LHFPL6: variants seen among roughly 807,000 people sequenced by gnomAD.
LHFPL6 encodes the protein LHFPL tetraspan subfamily member 6 protein.
LHFPL6 carries 9 observed loss-of-function variants against 20.6 expected under a neutral mutation model. The ratio of observed to expected loss-of-function variants is 0.44; its 90% CI spans 0.26 to 0.76. The LOEUF (loss-of-function observed/expected upper bound fraction) is 0.76, where lower values mean the gene tolerates loss of function less well. LHFPL6 is among the 30% of genes least tolerant of loss of function. The pLI, the probability that LHFPL6 is intolerant of heterozygous loss-of-function variation, is 0.20. For synonymous variants in LHFPL6, 105 were observed against 98.7 expected, an observed-to-expected ratio of 1.06 and a Z score of -0.38; for missense variants, 218 against 253.5, an observed-to-expected ratio of 0.86 and a Z score of 0.95.
At chr13:39,387,572 G>T (rs201632047) in intron 2 of LHFPL6, among the ~76,000 whole-genome samples, 3 of 102,360 alleles carry the variant, frequency 2.9e-5, no homozygotes, top group South Asian at 3.3e-4. Context: ...AAAAAAAAAA[G>T]AATATATCAT....
At chr13:39,487,662 T>C (rs932375135) in intron 2 of LHFPL6, among the ~76,000 whole-genome samples, 1 of 152,372 alleles carries the variant, frequency 6.6e-6, no homozygotes, top group African/African-American at 2.4e-5. Context: ...CTTTGCACGA[T>C]ACAGTGCATT....
intron 2 of LHFPL6, among the ~76,000 whole-genome samples, chr13:39,485,314 T>A (rs1174474498): frequency 6.6e-6 from 1 of 152,184 alleles, no homozygotes; most frequent in Non-Finnish European, 1.5e-5. Flanking sequence ...AACTTCTACT[T>A]GTATCTCAGA....
At chr13:39,370,883 T>C (rs540963244) in intron 3 of LHFPL6, among the ~76,000 whole-genome samples, 1 of 152,182 alleles carries the variant, frequency 6.6e-6, no homozygotes, top group Non-Finnish European at 1.5e-5. Flanking sequence ...AAAATTTTTT[T>C]AAAAAATTAT....
At chr13:39,459,213 TGTGTGTGTGTGTGTG>T (rs1872637974) in intron 2 of LHFPL6, among the ~76,000 whole-genome samples, 1 of 150,082 alleles carries the variant, frequency 6.7e-6, no homozygotes, top group Non-Finnish European at 1.5e-5. Context: ...TGTGTGTGTG[TGTGTGTGTGTGTGTG>T]TGTGTGTGTG....
chr13:39,523,830 G>T (rs905792450), intron 2 of LHFPL6, among the ~76,000 whole-genome samples: 9 of 152,098 alleles, frequency 5.9e-5, no homozygotes, highest in Non-Finnish European at 8.8e-5. Flanking sequence ...GCTGGTATTA[G>T]AATAAATAAG....
intron 2 of LHFPL6, among the ~76,000 whole-genome samples, chr13:39,462,504 T>C (rs762379728): frequency 2.3e-4 from 35 of 152,214 alleles, no homozygotes; most frequent in Non-Finnish European, 4.1e-4. Context: ...CTTCTACAAA[T>C]ATGTCCAAAC....
chr13:39,473,402 G>T (rs1873000160), intron 2 of LHFPL6, among the ~76,000 whole-genome samples: 2 of 151,042 alleles, frequency 1.3e-5, no homozygotes, highest in Non-Finnish European at 2.9e-5. Flanking sequence ...GCCATGCTGA[G>T]ATATATTTTA....
At chr13:39,414,757 A>G (rs1243150176) in intron 2 of LHFPL6, among the ~76,000 whole-genome samples, 3 of 152,156 alleles carry the variant, frequency 2.0e-5, no homozygotes, top group African/African-American at 7.2e-5. Context: ...TCTCTGCCCA[A>G]CCACCTAAAT....
chr13:39,421,441 C>A (rs1871482338), intron 2 of LHFPL6, among the ~76,000 whole-genome samples: 1 of 152,066 alleles, frequency 6.6e-6, no homozygotes. Context: ...ACTGATCCTG[C>A]ATATTGAAAT....
intron 2 of LHFPL6, among the ~76,000 whole-genome samples, chr13:39,482,047 T>A (rs1868545309): frequency 6.6e-6 from 1 of 152,226 alleles, no homozygotes; most frequent in South Asian, 2.1e-4. Flanking sequence ...CAACTGGCTA[T>A]ATGAATCTGA....
intron 2 of LHFPL6, among the ~76,000 whole-genome samples, chr13:39,411,095 G>A (rs1871232844): frequency 6.6e-6 from 1 of 152,122 alleles, no homozygotes; most frequent in South Asian, 2.1e-4. Flanking sequence ...TGTCTGCACG[G>A]GTAGTATGAT....
chr13:39,441,915 C>T (rs956671650), intron 2 of LHFPL6, among the ~76,000 whole-genome samples: 12 of 150,592 alleles, frequency 8.0e-5, no homozygotes, highest in Non-Finnish European at 1.3e-4. Flanking sequence ...TTGCAACCTC[C>T]GCCTCCCAGG....
chr13:39,458,522 C>G (rs902210342), intron 2 of LHFPL6, among the ~76,000 whole-genome samples: 12 of 152,004 alleles, frequency 7.9e-5, no homozygotes, highest in African/African-American at 2.9e-4. Context: ...CATGGCAAAA[C>G]TCCTTCTCTA....
At chr13:39,357,293 C>T (rs1869751179) in intron 3 of LHFPL6, among the ~76,000 whole-genome samples, 1 of 152,064 alleles carries the variant, frequency 6.6e-6, no homozygotes, top group Non-Finnish European at 1.5e-5. Flanking sequence ...AGTTTTGTAC[C>T]AATTCTAATG....
chr13:39,472,802 G>T lies in LHFPL6; in HGVS notation c.386-94276C>A, dbSNP rs191612692. Reference sequence around the variant, plus strand: ...TTTTGTATTTTTATTAGAGATATGGGGTTTCACCAGGTTGGCCAGGCTAGT... The same window carrying T: ...TTTTGTATTTTTATTAGAGATATGGTGTTTCACCAGGTTGGCCAGGCTAGT... On this transcript the variant is annotated intron_variant, in intron 2 of 3. Transcript: ENST00000379589. Among the ~76,000 whole-genome samples, 314 of 152,130 alleles carry T rather than the reference G, an allele frequency of 2.1e-3. 1 individual carries two copies. Among genetic ancestry groups the T allele is most frequent in the African/African-American group, 6.9e-3 (286 of 41,504 alleles).
intron 2 of LHFPL6, among the ~76,000 whole-genome samples, chr13:39,452,952 T>C (rs997554764): frequency 1.3e-5 from 2 of 152,174 alleles, no homozygotes; most frequent in African/African-American, 2.4e-5. Flanking sequence ...GAGATAGTGA[T>C]AGAGATTGTT....
At chr13:39,573,759 T>A (rs1463975130) in intron 2 of LHFPL6, among the ~76,000 whole-genome samples, 2 of 152,198 alleles carry the variant, frequency 1.3e-5, no homozygotes, top group Non-Finnish European at 2.9e-5. Flanking sequence ...AGTAAATTCC[T>A]TCCAATATTA....
chr13:39,396,032 G>A (rs1870832848), intron 2 of LHFPL6, among the ~76,000 whole-genome samples: 1 of 152,160 alleles, frequency 6.6e-6, no homozygotes, highest in African/African-American at 2.4e-5. Flanking sequence ...AAGGCATAGG[G>A]TTTTACTTCA....
chr13:39,499,388 C>T (rs982960442), intron 2 of LHFPL6, among the ~76,000 whole-genome samples: 2 of 152,214 alleles, frequency 1.3e-5, no homozygotes, highest in African/African-American at 2.4e-5. Flanking sequence ...TGGCAGCAGC[C>T]TCCTTGCTGG....
Sources: gnomAD v4.1 joint callset for allele counts (sites outside exome capture counted in the v4.1 genomes callset) on GRCh38, gnomAD v4.1.1 for gene constraint, MANE v1.5 for transcripts, NCBI Gene and HGNC (gene_info 2026-07-23, HGNC 2026-07-21) for gene names.